CNTN4: variants seen among roughly 807,000 people sequenced by gnomAD.
CNTN4 encodes contactin 4.
A neutral mutation model predicts 122.5 loss-of-function variants in CNTN4; 77 were observed. The ratio of observed to expected loss-of-function variants is 0.63; its 90% CI spans 0.52 to 0.76. The LOEUF is 0.76. Among genes scored for constraint, CNTN4 ranks in the 30% least tolerant of loss-of-function variants. The probability of loss-of-function intolerance (pLI) is 0.00; values close to 1 mark genes in which losing one functional copy is unlikely to be tolerated. For synonymous variants in CNTN4, 512 were observed against 447.0 expected (o/e 1.15, Z -1.83); for missense variants, 1,256 against 1,259.1 (o/e 1.00, Z 0.04).
intron 6 of CNTN4, among the ~76,000 whole-genome samples, chr3:2,796,463 A>T (rs2092185217): frequency 6.6e-6 from 1 of 152,132 alleles, no homozygotes; most frequent in Non-Finnish European, 1.5e-5. Context: ...TTTTAATTCT[A>T]TGGTACGGTT....
chr3:3,000,880 C>CTTTTTTTTT (rs59337830), intron 14 of CNTN4, among the ~76,000 whole-genome samples: 41 of 131,454 alleles, frequency 3.1e-4, no homozygotes, highest in Non-Finnish European at 4.3e-4. Context: ...TTCTTTCTTT[C>CTTTTTTTTT]TTTTTTTTTT....
intron 3 of CNTN4, among the ~76,000 whole-genome samples, chr3:2,447,278 C>A (rs2048661864): frequency 6.6e-6 from 1 of 152,116 alleles, no homozygotes; most frequent in African/African-American, 2.4e-5. Context: ...AAGTACATGC[C>A]TGTTGTGTTG....
chr3:2,231,271 A>G (rs928820239), intron 2 of CNTN4, among the ~76,000 whole-genome samples: 17 of 152,164 alleles, frequency 1.1e-4, no homozygotes, highest in African/African-American at 3.9e-4. Flanking sequence ...GTTACCAAGT[A>G]GGACAGCTTG....
At chr3:2,232,539 C>T (rs1400179510) in intron 2 of CNTN4, among the ~76,000 whole-genome samples, 1 of 151,976 alleles carries the variant, frequency 6.6e-6, no homozygotes, top group African/African-American at 2.4e-5. Context: ...CTATTCTGAC[C>T]AATAACAGGC....
intron 6 of CNTN4, among the ~76,000 whole-genome samples, chr3:2,801,006 C>T (rs1378802507): frequency 2.6e-5 from 4 of 152,188 alleles, no homozygotes; most frequent in Non-Finnish European, 5.9e-5. Context: ...TCTGATTCTA[C>T]TCTGTTTTTC....
intron 4 of CNTN4, among the ~76,000 whole-genome samples, chr3:2,593,454 C>A (rs1031589866): frequency 2.0e-5 from 3 of 152,176 alleles, no homozygotes; most frequent in African/African-American, 7.2e-5. Flanking sequence ...CATGGTAATG[C>A]CACTTACCAG....
At chr3:2,505,439 C>T (rs536382609) in intron 3 of CNTN4, among the ~76,000 whole-genome samples, 40 of 152,242 alleles carry the variant, frequency 2.6e-4, no homozygotes, top group African/African-American at 8.2e-4. Context: ...ATGGAATGTT[C>T]TATAGTCCTA....
chr3:2,688,888 G>A (rs2149171541), intron 4 of CNTN4, among the ~76,000 whole-genome samples: 1 of 152,226 alleles, frequency 6.6e-6, no homozygotes, highest in East Asian at 1.9e-4. Context: ...CATTGCAAAT[G>A]GTGACAATCT....
At chr3:2,647,889 T>C (rs2083199157) in intron 4 of CNTN4, among the ~76,000 whole-genome samples, 1 of 152,208 alleles carries the variant, frequency 6.6e-6, no homozygotes, top group Admixed American at 6.5e-5. Flanking sequence ...AGTGGTCACT[T>C]TAGGAGAGAC....
Position 3,030,971 on chromosome 3 carries a change from A to T in CNTN4, c.1779A>T (p.Val593=). 1 of 1,614,084 alleles carries T rather than the reference A, an allele frequency of 6.2e-7. No homozygotes were observed. Among genetic ancestry groups the T allele is most frequent in the Non-Finnish European group, 8.5e-7 (1 of 1,179,922 alleles). Residue 593 remains valine, a synonymous_variant, in exon 16 of 25, where the codon GTA becomes GTT. Coordinates refer to ENST00000418658, the MANE Select transcript of CNTN4 (RefSeq NM_175607.3). ...DRLSAAADLI[V]RGPPGPPEAV... Reference sequence around the variant, plus strand: ...TATCTGCTGCTGCAGACCTGATTGTAAGAGGTACTGGATTTTGTTGTTATT... The same window carrying T: ...TATCTGCTGCTGCAGACCTGATTGTTAGAGGTACTGGATTTTGTTGTTATT...
intron 3 of CNTN4, among the ~76,000 whole-genome samples, chr3:2,505,891 T>C (rs1428598593): frequency 1.3e-5 from 2 of 152,184 alleles, no homozygotes; most frequent in Admixed American, 1.3e-4. Context: ...TGGGAATCAG[T>C]TGGGGAGAAA....
rs9829264 is a variant in CNTN4 at position 2,353,603 on chromosome 3, C to T, written c.-89+14370C>T. 7.6e-3 allele frequency among the ~76,000 whole-genome samples: 1,158 copies of T among 152,092 alleles called. 11 individuals carry two copies. Among genetic ancestry groups the T allele is most frequent in the African/African-American group, 0.025 (1,018 of 41,478 alleles). The stretch of plus-strand genomic sequence containing the variant: ...ACCGGGAGGAATGAGCAACTCTGGA[C>T]GGGAGGAATGAACAACTCCGGACAC... On this transcript the variant is annotated intron_variant, in intron 3 of 24. Coordinates refer to ENST00000418658, the MANE Select transcript of CNTN4 (RefSeq NM_175607.3).
intron 3 of CNTN4, among the ~76,000 whole-genome samples, chr3:2,537,847 T>C (rs1389763563): frequency 6.6e-6 from 1 of 152,012 alleles, no homozygotes; most frequent in African/African-American, 2.4e-5. Context: ...AACAAAGTAA[T>C]TGGGGGTACA....
intron 15 of CNTN4, among the ~76,000 whole-genome samples, chr3:3,029,301 C>T (rs1218073027): frequency 2.6e-5 from 4 of 152,174 alleles, no homozygotes; most frequent in Non-Finnish European, 4.4e-5. Flanking sequence ...AGTTAATCTA[C>T]GCTTCAAGGT....
chr3:2,564,831 T>G (rs1056281412), intron 3 of CNTN4, among the ~76,000 whole-genome samples: 6 of 152,204 alleles, frequency 3.9e-5, no homozygotes, highest in Non-Finnish European at 8.8e-5. Context: ...GGGTTTATAC[T>G]TTAAGAAATT....
rs201128368 is a variant in CNTN4 at position 2,198,043 on chromosome 3, G to GA, written c.-145+97404_-145+97405insA. On this transcript the variant is annotated intron_variant, in intron 2 of 24. Coordinates refer to ENST00000418658, the MANE Select transcript of CNTN4 (RefSeq NM_175607.3). ...ACTCTCTCTGGAAAAAAAAAAAAAA[G>GA]GAGAGAATTTTGGCAATGTAGAATT... Among the ~76,000 whole-genome samples the GA allele has an allele frequency of 9.3e-3, 1,331 of 143,618 alleles. 24 individuals are homozygous for GA. The highest frequency in any genetic ancestry group is 0.032 in the African/African-American group (1,264 of 39,546). 94.2% of individuals were successfully genotyped at this position (143,618 alleles called of 152,430 possible).
intron 2 of CNTN4, among the ~76,000 whole-genome samples, chr3:2,292,044 T>A (rs1259919011): frequency 1.3e-5 from 2 of 152,170 alleles, no homozygotes; most frequent in African/African-American, 2.4e-5. Flanking sequence ...CGAACTATAA[T>A]ATTTTAATGC....
chr3:2,754,884 A>AT (rs1288605707), intron 6 of CNTN4, among the ~76,000 whole-genome samples: 5 of 152,202 alleles, frequency 3.3e-5, no homozygotes. Flanking sequence ...CAATTGAATA[A>AT]ACAGCAACTG....
At chr3:2,482,009 C>G (rs2076020165) in intron 3 of CNTN4, among the ~76,000 whole-genome samples, 1 of 152,116 alleles carries the variant, frequency 6.6e-6, no homozygotes, top group African/African-American at 2.4e-5. Context: ...ATTGGTACTG[C>G]AGAGAGTGGG....
Sources: allele counts gnomAD v4.1 joint callset (sites outside exome capture counted in the v4.1 genomes callset), GRCh38; gene constraint gnomAD v4.1.1; transcripts MANE v1.5; gene names NCBI Gene and HGNC (gene_info 2026-07-23, HGNC 2026-07-21).